The following SORCS3 variants were observed in gnomAD, a reference collection of about 807,000 sequenced individuals.
SORCS3 encodes sortilin related VPS10 domain containing receptor 3.
SORCS3 carries 57 observed loss-of-function variants against 146.3 expected under a neutral mutation model. The ratio of observed to expected loss-of-function variants is 0.39; its 90% CI spans 0.31 to 0.49. The LOEUF is 0.49. SORCS3 is among the 20% of genes least tolerant of loss of function. The pLI, the probability that SORCS3 is intolerant of heterozygous loss-of-function variation, is 0.92. For synonymous variants in SORCS3, 653 were observed against 618.5 expected, an observed-to-expected ratio of 1.06 and a Z score of -0.83; for missense variants, 1,341 against 1,575.5, an observed-to-expected ratio of 0.85 and a Z score of 2.52.
intron 5 of SORCS3, among the ~76,000 whole-genome samples, chr10:105,088,944 G>T (rs2055682437): frequency 6.6e-6 from 1 of 152,202 alleles, no homozygotes; most frequent in African/African-American, 2.4e-5. Flanking sequence ...GTAAGAGCTT[G>T]CCAGAGAGAG....
In SORCS3 at chr10:105,007,486, A is replaced by G. The variant is rs2055103509; in HGVS notation, c.954+29993A>G. Among the ~76,000 whole-genome samples, 4 of 152,182 alleles carry G rather than the reference A, an allele frequency of 2.6e-5. No individual in the cohort carries two copies. The South Asian group carries it at 8.3e-4, about 31-fold the overall frequency. ...CCTCCTCCCAGAGAAACAAACAAACATAAGAAAACAGAATCCTAGAAAGCA... is the reference window on the plus strand; with the variant it reads ...CCTCCTCCCAGAGAAACAAACAAACGTAAGAAAACAGAATCCTAGAAAGCA... On this transcript the variant is annotated intron_variant, in intron 4 of 26. Coordinates refer to ENST00000369701, the MANE Select transcript of SORCS3 (RefSeq NM_014978.3).
intron 2 of SORCS3, among the ~76,000 whole-genome samples, chr10:104,891,765 AG>A (rs1273491974): frequency 6.6e-6 from 1 of 152,178 alleles, no homozygotes; most frequent in African/African-American, 2.4e-5. Context: ...GGTCCAAAAA[AG>A]TGAGTTGTTG....
At chr10:105,214,317 G>T in intron 17 of SORCS3, 125 bp from the exon 18 acceptor site, 2 of 991,968 alleles carry the variant, frequency 2.0e-6, no homozygotes, top group Non-Finnish European at 1.5e-6. Context: ...TCCAGGGGCC[G>T]CTGTGTGAAG....
At chr10:105,214,329 A>C (rs997652604) in intron 17 of SORCS3, 113 bp from the exon 18 acceptor site, 2 of 1,149,558 alleles carry the variant, frequency 1.7e-6, no homozygotes, top group South Asian at 2.8e-5. Context: ...TGTGTGAAGC[A>C]CCTGTTTTGC....
chr10:104,786,966 C>G (rs1472687426), intron 1 of SORCS3, among the ~76,000 whole-genome samples: 1 of 152,212 alleles, frequency 6.6e-6, no homozygotes, highest in Non-Finnish European at 1.5e-5. Context: ...CCTGCCCATC[C>G]TGCCCCACCA....
intron 1 of SORCS3, among the ~76,000 whole-genome samples, chr10:104,779,860 G>A (rs1029978561): frequency 1.4e-4 from 21 of 152,160 alleles, no homozygotes; most frequent in Non-Finnish European, 2.5e-4. Context: ...CGCGCGCTCC[G>A]CCATGTTGAT....
intron 3 of SORCS3, among the ~76,000 whole-genome samples, chr10:104,961,510 A>T (rs561606261): frequency 8.5e-5 from 13 of 152,286 alleles, no homozygotes; most frequent in African/African-American, 2.9e-4. Flanking sequence ...ACTTCTTTAT[A>T]CTTCTCTCCT....
chr10:105,110,784 G>T (rs2133757090), intron 7 of SORCS3, among the ~76,000 whole-genome samples: 1 of 152,182 alleles, frequency 6.6e-6, no homozygotes, highest in South Asian at 2.1e-4. Context: ...AATAGGAAAA[G>T]GGAGAAGCAT....
chr10:104,799,504 T>C (rs1589503686), intron 1 of SORCS3, among the ~76,000 whole-genome samples: 1 of 147,330 alleles, frequency 6.8e-6, no homozygotes, highest in Middle Eastern at 3.5e-3. Context: ...TGAAAACACA[T>C]GGACACAGGG....
At chr10:105,155,413 G>A (rs1467017690) in intron 9 of SORCS3, among the ~76,000 whole-genome samples, 4 of 152,160 alleles carry the variant, frequency 2.6e-5, no homozygotes, top group African/African-American at 9.7e-5. Context: ...ACTTGTGGGA[G>A]AGGGTAACTG....
chr10:105,248,286 A>C (rs1364585802), intron 22 of SORCS3, among the ~76,000 whole-genome samples: 1 of 152,326 alleles, frequency 6.6e-6, no homozygotes, highest in Non-Finnish European at 1.5e-5. Context: ...GATTCACGCT[A>C]TCCAGGGACA....
intron 21 of SORCS3, 71 bp downstream of exon 21, chr10:105,245,736 A>C: frequency 1.3e-6 from 2 of 1,530,462 alleles, no homozygotes; most frequent in Non-Finnish European, 1.8e-6. Context: ...TCTCCCTACA[A>C]TCATTGAGTG....
chr10:104,734,890 T>C (rs1032190321), intron 1 of SORCS3, among the ~76,000 whole-genome samples: 3 of 152,198 alleles, frequency 2.0e-5, no homozygotes, highest in Non-Finnish European at 2.9e-5. Context: ...ACCTCCTACA[T>C]GTGATGGGAG....
intron 1 of SORCS3, among the ~76,000 whole-genome samples, chr10:104,839,020 T>C (rs2018105749): frequency 6.6e-6 from 1 of 152,172 alleles, no homozygotes; most frequent in Admixed American, 6.5e-5. Context: ...TTTTCATCTA[T>C]AAAATGAGAG....
chr10:104,843,283 A>G (rs555191220), intron 2 of SORCS3, among the ~76,000 whole-genome samples: 275 of 152,280 alleles, frequency 1.8e-3, no homozygotes, highest in Middle Eastern at 0.01. Flanking sequence ...TTGAGAAGGC[A>G]GTATCATGGG....
At chr10:104,893,837 G>A (rs1161513409) in intron 2 of SORCS3, among the ~76,000 whole-genome samples, 4 of 152,196 alleles carry the variant, frequency 2.6e-5, no homozygotes, top group South Asian at 4.1e-4. Context: ...CTGCTCTTCC[G>A]AGACTCTCCT....
At chr10:105,000,551 A>C (rs1252387912) in intron 4 of SORCS3, among the ~76,000 whole-genome samples, 1 of 152,028 alleles carries the variant, frequency 6.6e-6, no homozygotes, top group African/African-American at 2.4e-5. Context: ...AGACAGTTTT[A>C]TGTATATTTA....
At chr10:104,963,293 A>G (rs1442710039) in intron 3 of SORCS3, among the ~76,000 whole-genome samples, 1 of 152,210 alleles carries the variant, frequency 6.6e-6, no homozygotes, top group Non-Finnish European at 1.5e-5. Flanking sequence ...CAACATTGAC[A>G]GTCTGCCTAG....
intron 13 of SORCS3, among the ~76,000 whole-genome samples, chr10:105,168,737 G>T (rs781068011): frequency 6.6e-6 from 1 of 152,098 alleles, no homozygotes; most frequent in African/African-American, 2.4e-5. Flanking sequence ...AAGTGAAACC[G>T]TATGAAATCG....
Sources: allele counts gnomAD v4.1 joint callset (sites outside exome capture counted in the v4.1 genomes callset), GRCh38; gene constraint gnomAD v4.1.1; transcripts MANE v1.5; gene names NCBI Gene and HGNC (gene_info 2026-07-23, HGNC 2026-07-21).